The following ERC2 variants were observed in gnomAD, a reference collection of about 807,000 sequenced individuals.
ERC2 encodes ELKS/RAB6-interacting/CAST family member 2.
Under a neutral mutation model 114.8 loss-of-function variants are expected in ERC2, and 42 were observed. The ratio of observed to expected loss-of-function variants is 0.37; its 90% CI spans 0.29 to 0.47. The LOEUF (loss-of-function observed/expected upper bound fraction) is 0.47. Ranked by LOEUF, ERC2 falls within the 20% of genes least tolerant of loss-of-function variation. The pLI is 0.99. For synonymous variants in ERC2, 454 were observed against 425.5 expected, an observed-to-expected ratio of 1.07 and a Z score of -0.82; for missense variants, 939 against 1,150.7, an observed-to-expected ratio of 0.82 and a Z score of 2.66.
intron 17 of ERC2, among the ~76,000 whole-genome samples, chr3:55,536,650 T>C (rs58746951): frequency 0.024 from 3,626 of 152,292 alleles, 147 homozygotes; most frequent in African/African-American, 0.083. Flanking sequence ...AAGAGTTTCG[T>C]AGTAATAAAT....
intron 2 of ERC2, among the ~76,000 whole-genome samples, chr3:56,349,070 A>G (rs1048375606): frequency 2.0e-5 from 3 of 152,230 alleles, no homozygotes; most frequent in African/African-American, 4.8e-5. Flanking sequence ...AAAAAAATTA[A>G]CAGAAGAAAA....
At chr3:55,842,709 A>C (rs2061187375) in intron 14 of ERC2, among the ~76,000 whole-genome samples, 1 of 146,666 alleles carries the variant, frequency 6.8e-6, no homozygotes, top group African/African-American at 2.7e-5. Context: ...ACATAGACTC[A>C]GTTAAAAAAA....
At chr3:55,737,431 C>A (rs377255588) in intron 14 of ERC2, among the ~76,000 whole-genome samples, 1 of 152,246 alleles carries the variant, frequency 6.6e-6, no homozygotes, top group East Asian at 1.9e-4. Context: ...ATACAGAGGG[C>A]GAAGCTGAAG....
chr3:56,128,835 G>GATCT (rs905356298), intron 6 of ERC2, among the ~76,000 whole-genome samples: 1 of 152,150 alleles, frequency 6.6e-6, no homozygotes, highest in Non-Finnish European at 1.5e-5. Context: ...TGAGGAGTTG[G>GATCT]ATCTTCTCTT....
intron 15 of ERC2, 75 bp from the exon 16 acceptor site, chr3:55,699,587 C>T (rs1576198639): frequency 1.3e-6 from 2 of 1,510,732 alleles, no homozygotes; most frequent in Admixed American, 1.9e-5. Context: ...GGCATAATTA[C>T]AGTACCTATA....
At chr3:55,582,954 T>C (rs891936448) in intron 17 of ERC2, among the ~76,000 whole-genome samples, 2 of 152,254 alleles carry the variant, frequency 1.3e-5, no homozygotes, top group African/African-American at 4.8e-5. Flanking sequence ...TTATGCAGGT[T>C]ACTTAACCTT....
intron 17 of ERC2, among the ~76,000 whole-genome samples, chr3:55,620,255 T>C (rs1279823582): frequency 6.6e-6 from 1 of 152,216 alleles, no homozygotes; most frequent in African/African-American, 2.4e-5. Context: ...TTAGATGTAG[T>C]AGTACTCTTG....
chr3:55,859,264 A>G (rs2061920101), intron 14 of ERC2, among the ~76,000 whole-genome samples: 1 of 152,104 alleles, frequency 6.6e-6, no homozygotes, highest in East Asian at 1.9e-4. Flanking sequence ...CTTTGCCCAC[A>G]AAATCGTTTC....
intron 17 of ERC2, among the ~76,000 whole-genome samples, chr3:55,665,107 G>A (rs1429789415): frequency 6.6e-6 from 1 of 152,156 alleles, no homozygotes; most frequent in Non-Finnish European, 1.5e-5. Context: ...GAAGGTAGCC[G>A]TCATCAGCCC....
chr3:55,845,110 C>T (rs115020683), intron 14 of ERC2, among the ~76,000 whole-genome samples: 2 of 152,044 alleles, frequency 1.3e-5, no homozygotes, highest in Non-Finnish European at 2.9e-5. Context: ...CAGTAATGCT[C>T]GCTCACCTGC....
At chr3:55,713,637 G>A (rs1181547085) in intron 15 of ERC2, among the ~76,000 whole-genome samples, 2 of 152,164 alleles carry the variant, frequency 1.3e-5, no homozygotes, top group African/African-American at 4.8e-5. Flanking sequence ...ACATGGCTTT[G>A]ATGCATCCTA....
intron 15 of ERC2, among the ~76,000 whole-genome samples, chr3:55,706,862 G>A (rs527976249): frequency 1.1e-3 from 165 of 152,250 alleles, no homozygotes; most frequent in African/African-American, 3.4e-3. Flanking sequence ...ATCACTTAGC[G>A]TGACAGAACT....
chr3:56,216,012 A>G (rs2150135748), intron 3 of ERC2, among the ~76,000 whole-genome samples: 1 of 152,328 alleles, frequency 6.6e-6, no homozygotes, highest in South Asian at 2.1e-4. Context: ...AGGGAAATTT[A>G]TAGCACTAAA....
rs1422553380 is a variant in ERC2, at chr3:56,434,587, G to T, written c.421C>A (p.Gln141Lys). The change falls in exon 2 of 18, where the codon CAG becomes AAG. Residue 141 changes from glutamine (Q) to lysine (K), a missense_variant. Gln to Lys is a moderately conservative substitution (Grantham distance 53). This residue lies in a region of ERC2 where 281 missense variants were observed against 307.4 expected (regional missense o/e 0.91). Transcript: ENST00000288221. ...HHHQVPSMLR[Q>K]VRDSTMLDLQ... ...TCTAACATTGTGCTGTCTCTTACCT[G>T]CCTCAACATGGAGGGGACCTGGTGG... The T allele has an allele frequency of 6.2e-7, 1 of 1,613,930 alleles. No individual in the cohort carries two copies. Among genetic ancestry groups the T allele is most frequent in the South Asian group, 1.1e-5 (1 of 91,080 alleles).
intron 14 of ERC2, among the ~76,000 whole-genome samples, chr3:55,759,245 T>A (rs1289428977): frequency 6.6e-6 from 1 of 152,152 alleles, no homozygotes; most frequent in Non-Finnish European, 1.5e-5. Flanking sequence ...GCTGTGCATT[T>A]CTTCTTGTCA....
chr3:56,161,399 T>C (rs1021232027), intron 4 of ERC2, among the ~76,000 whole-genome samples: 3 of 152,234 alleles, frequency 2.0e-5, no homozygotes, highest in African/African-American at 7.2e-5. Flanking sequence ...TTTGGTTCCA[T>C]ATGAAGTTTA....
At chr3:56,336,828 G>A (rs1237446725) in intron 2 of ERC2, among the ~76,000 whole-genome samples, 1 of 152,000 alleles carries the variant, frequency 6.6e-6, no homozygotes, top group Admixed American at 6.6e-5. Context: ...AGCTCAATGT[G>A]GATTGTGCAG....
At chr3:55,858,159 C>A (rs566335542) in intron 14 of ERC2, among the ~76,000 whole-genome samples, 3 of 152,108 alleles carry the variant, frequency 2.0e-5, no homozygotes, top group Admixed American at 2.0e-4. Context: ...AGGAGACATA[C>A]GCTACTTAAA....
intron 17 of ERC2, among the ~76,000 whole-genome samples, chr3:55,545,959 C>A (rs530158880): frequency 6.6e-6 from 1 of 152,214 alleles, no homozygotes; most frequent in East Asian, 1.9e-4. Context: ...GGTCCCTGAG[C>A]GCATACAGGG....
Sources: gnomAD v4.1 joint callset for allele counts (sites outside exome capture counted in the v4.1 genomes callset) on GRCh38, gnomAD v4.1.1 for gene constraint, gnomAD v4.1.1 regional missense constraint, MANE v1.5 for transcripts, NCBI Gene and HGNC (gene_info 2026-07-23, HGNC 2026-07-21) for gene names.